Variants in SH3GL3 observed in about 807,000 individuals in gnomAD.
SH3GL3 encodes SH3 domain containing GRB2 like 3, endophilin A3.
A neutral mutation model predicts 47.7 loss-of-function variants in SH3GL3; 33 were observed. The observed-to-expected ratio is 0.69, with a 90% confidence interval of 0.52 to 0.92. SH3GL3 has a LOEUF of 0.92. Among genes scored for constraint, SH3GL3 ranks in the 40% least tolerant of loss-of-function variants. The pLI, the probability that SH3GL3 is intolerant of heterozygous loss-of-function variation, is 0.00. For synonymous variants in SH3GL3, 155 were observed against 148.8 expected, an observed-to-expected ratio of 1.04 and a Z score of -0.30; for missense variants, 363 against 417.8, an observed-to-expected ratio of 0.87 and a Z score of 1.14.
At chr15:83,621,659 C>T (rs528956614), downstream of SH3GL3, among the ~76,000 whole-genome samples, 13 of 152,242 alleles carry the variant, frequency 8.5e-5, no homozygotes, top group Non-Finnish European at 1.6e-4. Context: ...GAAAAAATAA[C>T]GCCGATAAAA....
intron 1 of SH3GL3, among the ~76,000 whole-genome samples, chr15:83,492,253 C>T (rs1042123396): frequency 3.8e-5 from 5 of 130,762 alleles, no homozygotes; most frequent in African/African-American, 1.5e-4. Flanking sequence ...TGTACTGCAG[C>T]CTGGTGACAG....
chr15:83,502,630 TC>T (rs1196087310), intron 1 of SH3GL3, among the ~76,000 whole-genome samples: 3 of 152,180 alleles, frequency 2.0e-5, no homozygotes, highest in Non-Finnish European at 4.4e-5. Flanking sequence ...CCATCATGGC[TC>T]ACTGTAGCCT....
chr15:83,563,363 A>G (rs1002615363), intron 2 of SH3GL3, among the ~76,000 whole-genome samples: 1 of 152,100 alleles, frequency 6.6e-6, no homozygotes, highest in Admixed American at 6.5e-5. Flanking sequence ...CCTTCACTGC[A>G]ATTTGCTCGT....
At chr15:83,534,580 A>C (rs1361764172) in intron 1 of SH3GL3, among the ~76,000 whole-genome samples, 1 of 152,246 alleles carries the variant, frequency 6.6e-6, no homozygotes, top group Non-Finnish European at 1.5e-5. Context: ...TAAAGAAGAA[A>C]TTTAAAATAT....
chr15:83,490,799 A>G, intron 1 of SH3GL3: 1 of 1,613,972 alleles, frequency 6.2e-7, no homozygotes, highest in East Asian at 2.2e-5. Context: ...AGTGTCATAA[A>G]CATTGAGGAC....
At chr15:83,553,542 G>A (rs1358302555) in intron 1 of SH3GL3, among the ~76,000 whole-genome samples, 1 of 151,958 alleles carries the variant, frequency 6.6e-6, no homozygotes, top group Non-Finnish European at 1.5e-5. Flanking sequence ...GAAAAATACT[G>A]GTTTTCTAAC....
At chr15:83,461,230 C>T (rs2040282924) in intron 1 of SH3GL3, among the ~76,000 whole-genome samples, 2 of 152,270 alleles carry the variant, frequency 1.3e-5, no homozygotes, top group South Asian at 4.1e-4. Context: ...AAGTCATCTG[C>T]AGTCAGATTC....
intron 1 of SH3GL3, among the ~76,000 whole-genome samples, chr15:83,460,101 C>G (rs1377626772): frequency 2.3e-5 from 3 of 127,750 alleles, no homozygotes; most frequent in Admixed American, 1.6e-4. Context: ...TTCCTTGCTT[C>G]CTTCCTTCCT....
At chr15:83,623,409 T>A (rs112713144), downstream of SH3GL3, among the ~76,000 whole-genome samples, 10 of 152,114 alleles carry the variant, frequency 6.6e-5, no homozygotes, top group Non-Finnish European at 1.2e-4. Flanking sequence ...GGTCTGGAGG[T>A]TGGCTGGGCT....
At chr15:83,480,726 A>C (rs895621223) in intron 1 of SH3GL3, among the ~76,000 whole-genome samples, 3 of 152,332 alleles carry the variant, frequency 2.0e-5, no homozygotes, top group Non-Finnish European at 4.4e-5. Flanking sequence ...ACAGAATAAC[A>C]ACTATTTATT....
intron 8 of SH3GL3, among the ~76,000 whole-genome samples, chr15:83,610,055 C>A (rs776989408): frequency 6.6e-6 from 1 of 152,190 alleles, no homozygotes; most frequent in Non-Finnish European, 1.5e-5. Context: ...CCCTCAAGTG[C>A]GACAGGCAAG....
At chr15:83,621,594 T>C (rs1023406328), downstream of SH3GL3, among the ~76,000 whole-genome samples, 58 of 152,250 alleles carry the variant, frequency 3.8e-4, no homozygotes, top group African/African-American at 4.8e-5. Flanking sequence ...ATGAAAAAGT[T>C]TAATATATTG....
At chr15:83,555,298 T>C (rs2044888078) in intron 1 of SH3GL3, among the ~76,000 whole-genome samples, 1 of 152,236 alleles carries the variant, frequency 6.6e-6, no homozygotes, top group East Asian at 1.9e-4. Context: ...ATTTTAATAA[T>C]ATCCTAAACA....
chr15:83,491,180 G>T (rs1207650766), intron 1 of SH3GL3, among the ~76,000 whole-genome samples: 1 of 152,192 alleles, frequency 6.6e-6, no homozygotes, highest in Non-Finnish European at 1.5e-5. Flanking sequence ...AGCTCACCTG[G>T]TCAGTAAGTG....
At chr15:83,619,478 G>A (rs958768007), downstream of SH3GL3, among the ~76,000 whole-genome samples, 2 of 152,108 alleles carry the variant, frequency 1.3e-5, no homozygotes, top group Non-Finnish European at 1.5e-5. Flanking sequence ...TTAATACCTA[G>A]GCGATGGGTT....
At chr15:83,465,812 A>G (rs1291475229) in intron 1 of SH3GL3, among the ~76,000 whole-genome samples, 1 of 152,068 alleles carries the variant, frequency 6.6e-6, no homozygotes, top group Non-Finnish European at 1.5e-5. Flanking sequence ...TGTGCTTTTA[A>G]TTAAACATTT....
At chr15:83,479,061 T>G (rs2041222709) in intron 1 of SH3GL3, among the ~76,000 whole-genome samples, 1 of 152,180 alleles carries the variant, frequency 6.6e-6, no homozygotes, top group African/African-American at 2.4e-5. Context: ...TCTCTACCCC[T>G]CCATGATATC....
intron 7 of SH3GL3, among the ~76,000 whole-genome samples, chr15:83,588,019 G>A (rs1184104095): frequency 6.6e-6 from 1 of 152,224 alleles, no homozygotes. Flanking sequence ...TAAGAGTAGA[G>A]TGAGGGAGAA....
At chr15:83,466,993 C>T (rs2040598435) in intron 1 of SH3GL3, among the ~76,000 whole-genome samples, 1 of 152,160 alleles carries the variant, frequency 6.6e-6, no homozygotes, top group South Asian at 2.1e-4. Context: ...CAGTTTGTAG[C>T]TTGTCTTTTC....
Sources: gnomAD v4.1 joint callset for allele counts (sites outside exome capture counted in the v4.1 genomes callset) on GRCh38, gnomAD v4.1.1 for gene constraint, MANE v1.5 for transcripts, NCBI Gene and HGNC (gene_info 2026-07-23, HGNC 2026-07-21) for gene names.